Variants in GSTK1 observed in about 807,000 individuals in gnomAD.
GSTK1 encodes GST class-kappa.
A neutral mutation model predicts 30.9 loss-of-function variants in GSTK1; 25 were observed. The ratio of observed to expected loss-of-function variants is 0.81; its 90% CI spans 0.59 to 1.13. GSTK1 has a LOEUF of 1.13. Among genes scored for constraint, GSTK1 ranks in the 50% most tolerant of loss-of-function variants. The probability of loss-of-function intolerance (pLI) is 0.00; values close to 1 mark genes in which losing one functional copy is unlikely to be tolerated. For missense variants in GSTK1, 292 were observed against 292.4 expected (o/e 1.00, Z 0.01); for synonymous variants, 108 against 112.5 (o/e 0.96, Z 0.25).
At chr7:143,264,748 A>T in intron 3 of GSTK1, 72 bp downstream of exon 3, 2 of 1,581,060 alleles carry the variant, frequency 1.3e-6, no homozygotes, top group Middle Eastern at 1.7e-4. Flanking sequence ...GATTGATAGG[A>T]TGGAGGGGCT....
At position 143,268,785 on chromosome 7, in the gene GSTK1, C is replaced by T. The variant is rs1380422106; in HGVS notation, c.632-3C>T. On this transcript the variant is annotated splice_region_variant and splice_polypyrimidine_tract_variant and intron_variant, in intron 7 of 7. Transcript: ENST00000358406. The surrounding 1 kb of genome is among the most constrained non-coding windows in gnomAD (Gnocchi z 4.1). The stretch of plus-strand genomic sequence containing the variant: ...TGCAGAGTCTGTTGTTTTCTTCATC[C>T]AGGAGAGAAGTGGATGGGCCCTATA... 1.2e-6 allele frequency: 2 copies of T among 1,613,720 alleles called. No homozygotes were observed. Among genetic ancestry groups the T allele is most frequent in the Non-Finnish European group, 8.5e-7 (1 of 1,179,782 alleles).
intron 2 of GSTK1, 34 bp downstream of exon 2, chr7:143,264,201 A>G (rs1800802347): frequency 6.3e-7 from 1 of 1,579,710 alleles, no homozygotes; most frequent in African/African-American, 1.3e-5. Context: ...GGGTGATCTC[A>G]GTGGCCCAAG....
At chr7:143,265,402 T>C in intron 5 of GSTK1, 106 bp downstream of exon 5, 1 of 1,007,926 alleles carries the variant, frequency 9.9e-7, no homozygotes, top group Non-Finnish European at 1.4e-6. Flanking sequence ...GAAAAGGTTA[T>C]AATTACTGGG....
chr7:143,267,759 C>T (rs1465471709), intron 6 of GSTK1, 26 bp downstream of exon 6: 1 of 1,458,892 alleles, frequency 6.9e-7, no homozygotes, highest in Non-Finnish European at 9.6e-7. Context: ...TGTGTGTTCC[C>T]AGCACCCATC....
rs1228534865 is a variant in GSTK1 at position 143,264,978 on chromosome 7, C to T, written c.284-14C>T. ...GCAAGAGGAGCCCTGCCTCTGGGTG[C>T]CTCTGCCCCACAGGAAGTTTGTCTG... On this transcript the variant is annotated splice_polypyrimidine_tract_variant and intron_variant, in intron 3 of 7. Transcript: ENST00000358406. 2 of 1,612,734 alleles carry T rather than the reference C, an allele frequency of 1.2e-6. No individual in the cohort carries two copies. The highest frequency in any genetic ancestry group is 1.7e-5 in the Admixed American group (1 of 59,998).
Position 143,268,299 on chromosome 7 carries a change from T to A in GSTK1, c.631+115T>A. ...CGAGTTCAGGAGATTAAGACCATCC[T>A]GGCCAACATGGTGAAACCCCGTCTC... is the stretch of plus-strand genomic sequence containing the variant. On this transcript the variant is annotated intron_variant, in intron 7 of 7. Coordinates refer to ENST00000358406, the MANE Select transcript of GSTK1 (RefSeq NM_015917.3). This position sits in a 1 kb window ranked among gnomAD's most constrained non-coding sequence, Gnocchi z 4.1. 1.4e-6 allele frequency: 1 copy of A among 715,084 alleles called. No homozygotes were observed. 44.3% of individuals were successfully genotyped at this position (715,084 alleles called of 1,614,324 possible).
chr7:143,267,761 G>A (rs1321918859), intron 6 of GSTK1, 28 bp downstream of exon 6: 4 of 1,452,820 alleles, frequency 2.8e-6, no homozygotes, highest in Non-Finnish European at 3.9e-6. Flanking sequence ...TGTGTTCCCA[G>A]CACCCATCCT....
intron 1 of GSTK1, 36 bp downstream of exon 1, chr7:143,263,621 G>GGAGTGAGGGCGGAGGGAA: frequency 6.3e-7 from 1 of 1,582,306 alleles, no homozygotes; most frequent in Non-Finnish European, 8.6e-7. Flanking sequence ...CAGTGTCTGG[G>GGAGTGAGGGCGGAGGGAA]GAGTGAGGGC....
At chr7:143,267,079 CT>C (rs1269273282) in intron 5 of GSTK1, among the ~76,000 whole-genome samples, 15 of 152,252 alleles carry the variant, frequency 9.9e-5, no homozygotes, top group African/African-American at 3.4e-4. Flanking sequence ...AAACTGAAGC[CT>C]TTATCTTTGT....
At chr7:143,263,850 G>A (rs1250809811) in intron 1 of GSTK1, 1 of 599,880 alleles carries the variant, frequency 1.7e-6, no homozygotes, top group Admixed American at 3.0e-5. Context: ...AGGGAGAAAT[G>A]CAGAACACGG....
chr7:143,263,625 T>G (rs1586422871), intron 1 of GSTK1, 40 bp downstream of exon 1: 1 of 1,575,254 alleles, frequency 6.3e-7, no homozygotes, highest in South Asian at 1.1e-5. Context: ...GTCTGGGGAG[T>G]GAGGGCGGAG....
chr7:143,264,023 T>TC, intron 1 of GSTK1, 63 bp from the exon 2 acceptor site: 1 of 1,468,838 alleles, frequency 6.8e-7, no homozygotes, highest in Middle Eastern at 1.7e-4. Context: ...CCCTTCCCTT[T>TC]CCCTCGGCTC....
intron 4 of GSTK1, 72 bp downstream of exon 4, chr7:143,265,164 C>T (rs753515701): frequency 4.3e-6 from 7 of 1,611,246 alleles, no homozygotes. Context: ...GGCACGTTTT[C>T]AGGGTCATGA....
At position 143,264,157 on chromosome 7, in the gene GSTK1, G is replaced by C; in HGVS notation, c.144G>C (p.Met48Ile). 6.2e-7 allele frequency: 1 copy of C among 1,613,820 alleles called. No homozygotes were observed. Among genetic ancestry groups the C allele is most frequent in the South Asian group, 1.1e-5 (1 of 91,064 alleles). Residue 48 changes from methionine (M) to isoleucine (I), a missense_variant, in exon 2 of 8, where the codon ATG becomes ATC. Met to Ile is a conservative substitution (Grantham distance 10). Transcript: ENST00000358406. ...GGCCCAGCCTCATAACAGGGATCAT[G>C]AAAGACAGTGGTAGGAAGGGAGGGT... ...QLRPSLITGIMKDSGNKPPGL... is the reference protein window; with the variant it reads ...QLRPSLITGIIKDSGNKPPGL...
At position 143,264,226 on chromosome 7, in the gene GSTK1, C is replaced by T. The variant is rs112850425; in HGVS notation, c.154+59C>T. 1.5e-5 allele frequency: 22 copies of T among 1,439,392 alleles called. No individual in the cohort carries two copies. The African/African-American group carries it at 1.5e-4, about 10-fold the overall frequency. The allele number at this position is 1,439,392 out of a possible 1,614,324, so 89.2% of individuals were successfully genotyped here. ...AGTGGCCCAAGAGAGCCGACCCCAGCGGGTCCTTATATTGGCACTGGCAGC... is the reference window on the plus strand; with the variant it reads ...AGTGGCCCAAGAGAGCCGACCCCAGTGGGTCCTTATATTGGCACTGGCAGC... On this transcript the variant is annotated intron_variant, in intron 2 of 7. Transcript: ENST00000358406.
intron 6 of GSTK1, 62 bp downstream of exon 6, chr7:143,267,795 T>C (rs1322104259): frequency 3.5e-6 from 4 of 1,154,510 alleles, no homozygotes; most frequent in Admixed American, 1.7e-5. Context: ...TGAGAATCTC[T>C]AAGTTTGAGT....
intron 3 of GSTK1, 128 bp downstream of exon 3, chr7:143,264,804 T>G: frequency 7.1e-7 from 1 of 1,401,486 alleles, no homozygotes; most frequent in Non-Finnish European, 9.9e-7. Flanking sequence ...AACCTCAGGA[T>G]CAGCCTTGAG....
rs1800951444 is a variant in GSTK1 at position 143,268,661 on chromosome 7, G to A, written c.632-127G>A. 1 of 758,638 alleles carries A rather than the reference G, an allele frequency of 1.3e-6. No individual in the cohort carries two copies. The highest frequency in any genetic ancestry group is 1.8e-5 in the African/African-American group (1 of 56,756). The allele number at this position is 758,638 out of a possible 1,614,324, so 47.0% of individuals were successfully genotyped here. ...CTGTCTTCAACCCCATAAAAGAAAAGGAAGCCTTCTATACCTTGAAGCCAA... is the reference window on the plus strand; with the variant it reads ...CTGTCTTCAACCCCATAAAAGAAAAAGAAGCCTTCTATACCTTGAAGCCAA... On this transcript the variant is annotated intron_variant, in intron 7 of 7. Transcript: ENST00000358406. This position sits in a 1 kb window ranked among gnomAD's most constrained non-coding sequence, Gnocchi z 4.1.
chr7:143,264,889 G>C lies in GSTK1; in HGVS notation c.284-103G>C, dbSNP rs139754207. 4.5e-4 allele frequency: 608 copies of C among 1,344,666 alleles called. 1 individual carries two copies. In the Middle Eastern group the frequency reaches 5.8e-3, roughly 13 times the overall value. 83.3% of individuals were successfully genotyped at this position (1,344,666 alleles called of 1,614,324 possible). A position where few individuals can be genotyped will look rare whatever the true frequency, so the allele number is the denominator to read the frequency against. ...TCATGGGAACCTTGGGTGAGAGGCT[G>C]AGGGCGGAGGAGCTCTGGGGGATGT... On this transcript the variant is annotated intron_variant, in intron 3 of 7. Coordinates refer to ENST00000358406, the MANE Select transcript of GSTK1 (RefSeq NM_015917.3).
Sources: allele counts gnomAD v4.1 joint callset (sites outside exome capture counted in the v4.1 genomes callset), GRCh38; gene constraint gnomAD v4.1.1; non-coding constraint Gnocchi (gnomAD v3.1); transcripts MANE v1.5; gene names NCBI Gene and HGNC (gene_info 2026-07-23, HGNC 2026-07-21).